The following KCND3 variants were observed in gnomAD, a reference collection of about 807,000 sequenced individuals.
The protein encoded by KCND3 is A-type voltage-gated potassium channel KCND3.
A neutral mutation model predicts 51.1 loss-of-function variants in KCND3; 9 were observed. The ratio of observed to expected loss-of-function variants is 0.18; its 90% CI spans 0.11 to 0.31. The LOEUF is 0.31. KCND3 is among the 10% of genes least tolerant of loss of function. The probability of loss-of-function intolerance (pLI) is 1.00; values close to 1 mark genes in which losing one functional copy is unlikely to be tolerated. For synonymous variants in KCND3, 349 were observed against 368.0 expected (o/e 0.95, Z 0.59); for missense variants, 526 against 903.8 (o/e 0.58, Z 5.36).
intron 3 of KCND3, among the ~76,000 whole-genome samples, chr1:111,782,325 G>A (rs1005380261): frequency 6.6e-6 from 1 of 152,190 alleles, no homozygotes; most frequent in African/African-American, 2.4e-5. Context: ...ATGTGGGGAA[G>A]GGGCCAGGAC....
intron 2 of KCND3, among the ~76,000 whole-genome samples, chr1:111,919,886 A>G (rs1017187293): frequency 1.3e-5 from 2 of 152,242 alleles, no homozygotes; most frequent in Admixed American, 6.5e-5. Context: ...TCTAAGCAGC[A>G]TGTGAATGAA....
intron 2 of KCND3, among the ~76,000 whole-genome samples, chr1:111,870,182 T>C (rs1212139880): frequency 6.6e-6 from 1 of 152,206 alleles, no homozygotes; most frequent in African/African-American, 2.4e-5. Flanking sequence ...GATAAGCAAC[T>C]TGCCCAAGCT....
intron 1 of KCND3, chr1:111,988,702 T>A (rs1675441359): frequency 6.6e-6 from 1 of 152,186 alleles, no homozygotes. Flanking sequence ...GCATTGTGCC[T>A]AGGACCCCGA....
At chr1:111,900,016 A>C (rs1670308062) in intron 2 of KCND3, among the ~76,000 whole-genome samples, 1 of 152,134 alleles carries the variant, frequency 6.6e-6, no homozygotes, top group South Asian at 2.1e-4. Context: ...GGGGTAGTAG[A>C]ATCAACTTGG....
chr1:111,911,768 A>G (rs1174178696), intron 2 of KCND3, among the ~76,000 whole-genome samples: 1 of 152,260 alleles, frequency 6.6e-6, no homozygotes, highest in African/African-American at 2.4e-5. Context: ...TGTCTTAAAC[A>G]ACTAGAAAGT....
rs1664308191 is a variant in KCND3 at position 111,780,173 on chromosome 1, A to G, written c.1461+52T>C. 6.7e-7 allele frequency: 1 copy of G among 1,502,078 alleles called. No individual in the cohort carries two copies. The highest frequency in any genetic ancestry group is 2.0e-5 in the Admixed American group (1 of 51,074). The allele number at this position is 1,502,078 out of a possible 1,614,324, so 93.0% of individuals were successfully genotyped here. On this transcript the variant is annotated intron_variant, in intron 5 of 7. Coordinates refer to ENST00000302127, the MANE Select transcript of KCND3 (RefSeq NM_001378969.1). This position sits in a 1 kb window ranked among gnomAD's most constrained non-coding sequence, Gnocchi z 4.2. ...AGTGAAGATGTGAGTACAGCCTTAG[A>G]AAAGGGTCAGGGTCAGCGATGAAAA...
chr1:111,827,272 C>G (rs1215915446), intron 2 of KCND3, among the ~76,000 whole-genome samples: 1 of 152,188 alleles, frequency 6.6e-6, no homozygotes, highest in African/African-American at 2.4e-5. Flanking sequence ...TGAGTGAAAG[C>G]AGAGACAGGA....
At chr1:111,793,032 G>A (rs1265042781) in intron 2 of KCND3, among the ~76,000 whole-genome samples, 1 of 151,478 alleles carries the variant, frequency 6.6e-6, no homozygotes. Flanking sequence ...ACCATGCCCA[G>A]CTGATTTACT....
chr1:111,945,102 ACC>A (rs1314295672), intron 2 of KCND3, among the ~76,000 whole-genome samples: 1 of 152,170 alleles, frequency 6.6e-6, no homozygotes. Flanking sequence ...ACACAGCCCC[ACC>A]CACGGACACA....
intron 2 of KCND3, among the ~76,000 whole-genome samples, chr1:111,952,838 G>A (rs1673127070): frequency 6.6e-6 from 1 of 152,042 alleles, no homozygotes; most frequent in Admixed American, 6.5e-5. Context: ...AGAGACAAGG[G>A]GATGGAGGAG....
chr1:111,777,478 G>A (rs1208200197), intron 6 of KCND3, among the ~76,000 whole-genome samples: 1 of 152,218 alleles, frequency 6.6e-6, no homozygotes, highest in Non-Finnish European at 1.5e-5. Flanking sequence ...GGCAGCCCTG[G>A]CCATCAGTTC....
chr1:111,781,920 G>A (rs775283047), intron 3 of KCND3, among the ~76,000 whole-genome samples: 1 of 152,126 alleles, frequency 6.6e-6, no homozygotes, highest in South Asian at 2.1e-4. Flanking sequence ...GAAGGGACTG[G>A]GTAGAGGTTT....
Position 111,884,499 on chromosome 1 carries a change from G to A in KCND3, c.1106+97122C>T, listed in dbSNP as rs919519759. ...CAATGGAGGGAGAGGAGCCAGACCC[G>A]AAGTCATCGCCAGGGATGTGAGCAA... On this transcript the variant is annotated intron_variant, in intron 2 of 7. Coordinates refer to ENST00000302127, the MANE Select transcript of KCND3 (RefSeq NM_001378969.1). Among the ~76,000 whole-genome samples, 6 of 152,276 alleles carry A rather than the reference G, an allele frequency of 3.9e-5. No individual in the cohort carries two copies. In the South Asian group the frequency reaches 1.2e-3, roughly 32 times the overall value.
intron 2 of KCND3, among the ~76,000 whole-genome samples, chr1:111,874,752 G>T (rs1004418597): frequency 6.6e-6 from 1 of 152,086 alleles, no homozygotes; most frequent in South Asian, 2.1e-4. Flanking sequence ...TGACACACAC[G>T]CCTTTTCTTC....
chr1:111,923,285 G>A (rs1671559083), intron 2 of KCND3, among the ~76,000 whole-genome samples: 1 of 152,202 alleles, frequency 6.6e-6, no homozygotes, highest in South Asian at 2.1e-4. Context: ...GCCTAGCACA[G>A]CATCAGACAC....
intron 2 of KCND3, among the ~76,000 whole-genome samples, chr1:111,864,887 A>C (rs760377090): frequency 6.6e-6 from 1 of 152,216 alleles, no homozygotes; most frequent in Non-Finnish European, 1.5e-5. Context: ...AAGGGAGAGA[A>C]AGGCATAGAA....
intron 2 of KCND3, among the ~76,000 whole-genome samples, chr1:111,803,487 T>C (rs817977): frequency 0.22 from 33,418 of 152,086 alleles, 3,842 homozygotes; most frequent in Admixed American, 0.26. Context: ...TGTGTGTTTG[T>C]GTAAAATTCC....
At chr1:111,881,590 G>A (rs1012921786) in intron 2 of KCND3, among the ~76,000 whole-genome samples, 2 of 152,224 alleles carry the variant, frequency 1.3e-5, no homozygotes, top group African/African-American at 4.8e-5. Flanking sequence ...ATGTCTCTAG[G>A]AGGGAGAAGT....
rs1190747253 is a variant in KCND3, at chr1:111,982,711, C to T, written c.16G>A (p.Ala6Thr). Residue 6 changes from alanine to threonine, a missense_variant, in exon 2 of 8, where the codon GCG becomes ACG. Around this residue, in one of 5 missense-constraint regions of KCND3, gnomAD observed 159 missense variants for 262.8 expected, o/e 0.61. Transcript: ENST00000302127. This position sits in a 1 kb window ranked among gnomAD's most constrained non-coding sequence, Gnocchi z 8.5. ...GCCCGGGCAAAAGGCAGCCAGGCCG[C>T]AACTCCGGCCGCCATGGTGACTCCA... Reference protein sequence around the residue: MAAGVAAWLPFARAAA... With the variant: MAAGVTAWLPFARAAA... 1 of 1,602,938 alleles carries T rather than the reference C, an allele frequency of 6.2e-7. No homozygotes were observed. Among genetic ancestry groups the T allele is most frequent in the Non-Finnish European group, 8.5e-7 (1 of 1,179,046 alleles).
Sources: allele counts gnomAD v4.1 joint callset (sites outside exome capture counted in the v4.1 genomes callset), GRCh38; gene constraint gnomAD v4.1.1; regional missense constraint gnomAD v4.1.1; non-coding constraint Gnocchi (gnomAD v3.1); transcripts MANE v1.5; gene names NCBI Gene and HGNC (gene_info 2026-07-23, HGNC 2026-07-21).